Variants in PDE3A observed in about 807,000 individuals in gnomAD.
The protein encoded by PDE3A is phosphodiesterase 3A.
Under a neutral mutation model 98.3 loss-of-function variants are expected in PDE3A, and 43 were observed. The observed-to-expected ratio is 0.44, with a 90% CI of 0.34 to 0.56. The LOEUF is 0.56. Ranked by LOEUF, PDE3A falls within the 20% of genes least tolerant of loss-of-function variation. The pLI is 0.01. For synonymous variants in PDE3A, 663 were observed against 567.9 expected, an observed-to-expected ratio of 1.17 and a Z score of -2.38; for missense variants, 1,427 against 1,440.7, an observed-to-expected ratio of 0.99 and a Z score of 0.15.
intron 2 of PDE3A, among the ~76,000 whole-genome samples, chr12:20,602,777 T>C (rs1001476563): frequency 6.6e-6 from 1 of 152,246 alleles, no homozygotes; most frequent in Non-Finnish European, 1.5e-5. Flanking sequence ...TTCCTTAGGA[T>C]GGCCTTTAGC....
chr12:20,580,060 CAAACAT>C (rs765632431), intron 2 of PDE3A, among the ~76,000 whole-genome samples: 133 of 152,236 alleles, frequency 8.7e-4, no homozygotes, highest in Admixed American at 1.4e-3. Flanking sequence ...AATATAAAAA[CAAACAT>C]AAACATAAAC....
chr12:20,554,547 A>G (rs189479047), intron 1 of PDE3A, among the ~76,000 whole-genome samples: 1 of 150,896 alleles, frequency 6.6e-6, no homozygotes, highest in Admixed American at 6.6e-5. Context: ...GGCTTTAATT[A>G]TTTTTTACCC....
intron 2 of PDE3A, among the ~76,000 whole-genome samples, chr12:20,613,222 C>T (rs1592111689): frequency 1.3e-5 from 2 of 152,148 alleles, no homozygotes; most frequent in Non-Finnish European, 1.5e-5. Context: ...ATGCTTGACC[C>T]TCCCCAAGTT....
intron 1 of PDE3A, among the ~76,000 whole-genome samples, chr12:20,521,929 A>T (rs938697755): frequency 6.6e-6 from 1 of 152,162 alleles, no homozygotes; most frequent in East Asian, 1.9e-4. Context: ...CATGCAGTTT[A>T]TGTAGCATTT....
intron 1 of PDE3A, among the ~76,000 whole-genome samples, chr12:20,555,611 A>G (rs1942350543): frequency 6.6e-6 from 1 of 152,208 alleles, no homozygotes; most frequent in Non-Finnish European, 1.5e-5. Flanking sequence ...TTCTTTCAAA[A>G]TTAAAAATAC....
At chr12:20,395,860 A>C (rs1313917811) in intron 1 of PDE3A, among the ~76,000 whole-genome samples, 1 of 151,794 alleles carries the variant, frequency 6.6e-6, no homozygotes, top group Non-Finnish European at 1.5e-5. Flanking sequence ...TAAAAAGAAA[A>C]AATATTTTCC....
chr12:20,670,857 A>C (rs569586300), intron 15 of PDE3A, among the ~76,000 whole-genome samples: 6,555 of 134,210 alleles, frequency 0.049, 197 homozygotes, highest in Middle Eastern at 0.18. Flanking sequence ...TCAGAGCAGA[A>C]CTGAAGGAAA....
At chr12:20,538,617 T>C (rs58774347) in intron 1 of PDE3A, among the ~76,000 whole-genome samples, 2,714 of 152,262 alleles carry the variant, frequency 0.018, 77 homozygotes, top group African/African-American at 0.061. Context: ...CTAGCATTTT[T>C]GTCACACAAG....
At chr12:20,515,756 G>A (rs1008312046) in intron 1 of PDE3A, among the ~76,000 whole-genome samples, 6 of 136,780 alleles carry the variant, frequency 4.4e-5, no homozygotes, top group East Asian at 2.4e-4. Flanking sequence ...ATTTTGAGAC[G>A]GAGTCTCGCT....
intron 1 of PDE3A, among the ~76,000 whole-genome samples, chr12:20,539,915 CA>C (rs1464322563): frequency 6.6e-6 from 1 of 151,952 alleles, no homozygotes; most frequent in East Asian, 1.9e-4. Context: ...TTCCATTTTG[CA>C]AATGAGGAAA....
intron 1 of PDE3A, among the ~76,000 whole-genome samples, chr12:20,471,601 C>T (rs1945441297): frequency 6.6e-6 from 1 of 152,108 alleles, no homozygotes; most frequent in Non-Finnish European, 1.5e-5. Flanking sequence ...GTTTCAAAAA[C>T]CATCTTTTTT....
At chr12:20,671,340 C>G (rs189314060) in intron 15 of PDE3A, among the ~76,000 whole-genome samples, 6,606 of 151,748 alleles carry the variant, frequency 0.044, 248 homozygotes, top group African/African-American at 0.097. Flanking sequence ...TCCTCCCTAA[C>G]TCATTTTATG....
chr12:20,659,760 G>A (rs1376364210), intron 15 of PDE3A, among the ~76,000 whole-genome samples: 1 of 152,076 alleles, frequency 6.6e-6, no homozygotes, highest in Non-Finnish European at 1.5e-5. Context: ...ACTCTTTAAT[G>A]CAGTCTCAAT....
At chr12:20,480,653 T>A (rs1201569395) in intron 1 of PDE3A, among the ~76,000 whole-genome samples, 1 of 152,232 alleles carries the variant, frequency 6.6e-6, no homozygotes, top group African/African-American at 2.4e-5. Flanking sequence ...GTTTCCCTCC[T>A]GTCTTTGCTT....
At chr12:20,504,626 T>A (rs1187602901) in intron 1 of PDE3A, among the ~76,000 whole-genome samples, 1 of 152,138 alleles carries the variant, frequency 6.6e-6, no homozygotes, top group East Asian at 1.9e-4. Context: ...GAGAGGGATC[T>A]GTTTCCTTGC....
chr12:20,682,388 T>C lies in PDE3A; in HGVS notation c.*2117T>C, dbSNP rs1007346646. 1.3e-5 allele frequency: 2 copies of C among 152,198 alleles called. No individual in the cohort carries two copies. The highest frequency in any genetic ancestry group is 2.9e-5 in the Non-Finnish European group (2 of 68,034). 9.4% of individuals were successfully genotyped at this position (152,198 alleles called of 1,614,324 possible). On this transcript the variant is annotated 3_prime_UTR_variant, in exon 16 of 16. Transcript: ENST00000359062. Reference sequence around the variant, plus strand: ...AATACTTTTGTTTCTCATAAATGGATATTGTACTCCCCCCTTTCAAAGCAT... The same window carrying C: ...AATACTTTTGTTTCTCATAAATGGACATTGTACTCCCCCCTTTCAAAGCAT...
intron 1 of PDE3A, among the ~76,000 whole-genome samples, chr12:20,470,397 G>A (rs1249935771): frequency 6.6e-6 from 1 of 151,236 alleles, no homozygotes; most frequent in Non-Finnish European, 1.5e-5. Context: ...ATGTCTGAGT[G>A]GGACATCTAG....
Position 20,687,912 on chromosome 12 carries a change from C to CATA in PDE3A, c.*7642_*7643insTAA, listed in dbSNP as rs1340107758. The stretch of plus-strand genomic sequence containing the variant: ...CTGACCAGTCATTACCTCTTCCCAA[C>CATA]AGAAAAAAAAAAAAAAAAAAAAAAA... On this transcript the variant is annotated 3_prime_UTR_variant, in exon 16 of 16. Coordinates refer to ENST00000359062, the MANE Select transcript of PDE3A (RefSeq NM_000921.5). Among the ~76,000 whole-genome samples the CATA allele has an allele frequency of 1.1e-4, 1 of 9,290 alleles. No individual in the cohort carries two copies. The allele number at this position is 9,290 out of a possible 152,430, so 6.1% of individuals were successfully genotyped here.
chr12:20,419,351 G>A (rs1944473767), intron 1 of PDE3A, among the ~76,000 whole-genome samples: 1 of 152,000 alleles, frequency 6.6e-6, no homozygotes, highest in Non-Finnish European at 1.5e-5. Flanking sequence ...GGAGTGCAGT[G>A]GTACGATCAT....
Sources: allele counts gnomAD v4.1 joint callset (sites outside exome capture counted in the v4.1 genomes callset), GRCh38; gene constraint gnomAD v4.1.1; transcripts MANE v1.5; gene names NCBI Gene and HGNC (gene_info 2026-07-23, HGNC 2026-07-21).